ATP13A4: variants seen among roughly 807,000 people sequenced by gnomAD.
ATP13A4 encodes probable cation-transporting ATPase 13A4.
A neutral mutation model predicts 142.5 loss-of-function variants in ATP13A4; 114 were observed. The observed-to-expected ratio is 0.80, with a 90% confidence interval of 0.69 to 0.93. The LOEUF (loss-of-function observed/expected upper bound fraction) is 0.93. Ranked by LOEUF, ATP13A4 falls within the 40% of genes least tolerant of loss-of-function variation. ATP13A4 has a pLI of 0.00. For missense variants in ATP13A4, 1,392 were observed against 1,454.0 expected, an observed-to-expected ratio of 0.96 and a Z score of 0.69; for synonymous variants, 488 against 514.8, an observed-to-expected ratio of 0.95 and a Z score of 0.70.
At chr3:193,408,679 CTCA>C (rs772681385) in intron 28 of ATP13A4, among the ~76,000 whole-genome samples, 16 of 152,218 alleles carry the variant, frequency 1.1e-4, no homozygotes, top group Admixed American at 5.2e-4. Flanking sequence ...ACCACGGATT[CTCA>C]TCAGACTCAT....
chr3:193,421,581 G>C (rs369844312), intron 25 of ATP13A4, among the ~76,000 whole-genome samples: 1 of 149,740 alleles, frequency 6.7e-6, no homozygotes, highest in East Asian at 2.1e-4. Flanking sequence ...AGCCAAAACA[G>C]TCAAATATAA....
intron 25 of ATP13A4, chr3:193,418,927 C>T (rs575911433): frequency 2.3e-4 from 35 of 150,968 alleles, no homozygotes; most frequent in Admixed American, 1.9e-3. Context: ...TCTGCCGCTA[C>T]ATCTTACCTT....
intron 3 of ATP13A4, among the ~76,000 whole-genome samples, chr3:193,498,243 G>A (rs1189578800): frequency 1.3e-5 from 2 of 151,428 alleles, no homozygotes; most frequent in African/African-American, 4.9e-5. Context: ...CTGGTAGCCA[G>A]ATTAAACCAG....
At chr3:193,501,744 T>C (rs1217642016) in intron 3 of ATP13A4, among the ~76,000 whole-genome samples, 2 of 152,260 alleles carry the variant, frequency 1.3e-5, no homozygotes, top group Admixed American at 6.5e-5. Context: ...ACATTCTGTC[T>C]TATAAAATGT....
chr3:193,476,297 CT>C lies in ATP13A4; in HGVS notation c.809-5305del, dbSNP rs377167956. ...TTTTATGTATGGAGATGGCTTCTTT[CT>C]TTAAACCTCATAAGCCAAACTCTGC... On this transcript the variant is annotated intron_variant, in intron 8 of 29. Coordinates refer to ENST00000342695, the MANE Select transcript of ATP13A4 (RefSeq NM_032279.4). Among the ~76,000 whole-genome samples, 114 of 152,154 alleles carry C rather than the reference CT, an allele frequency of 7.5e-4. 2 individuals carry two copies. In the East Asian group the frequency reaches 0.021, roughly 28 times the overall value.
intron 2 of ATP13A4, among the ~76,000 whole-genome samples, chr3:193,509,997 T>G (rs1721057766): frequency 1.3e-5 from 2 of 152,132 alleles, no homozygotes; most frequent in South Asian, 4.1e-4. Context: ...AGTGAATGAA[T>G]GCATGCATGA....
intron 1 of ATP13A4, among the ~76,000 whole-genome samples, chr3:193,543,167 C>CAAAAAAAAAAAAAAAAAAAAAAAAA (rs566660322): frequency 8.7e-6 from 1 of 115,224 alleles, no homozygotes; most frequent in Non-Finnish European, 1.8e-5. Flanking sequence ...GACTCCATCT[C>CAAAAAAAAAAAAAAAAAAAAAAAAA]AAAAAAAAAA....
chr3:193,510,430 A>G (rs1424247096), intron 2 of ATP13A4, among the ~76,000 whole-genome samples: 1 of 152,200 alleles, frequency 6.6e-6, no homozygotes, highest in Non-Finnish European at 1.5e-5. Flanking sequence ...GATGACAATG[A>G]GGGGGAAAAT....
intron 9 of ATP13A4, among the ~76,000 whole-genome samples, chr3:193,468,473 G>C (rs991992488): frequency 6.6e-6 from 1 of 152,184 alleles, no homozygotes. Context: ...AAGTGGCCGG[G>C]TGTAGTGGCT....
chr3:193,534,585 A>G (rs1722495986), intron 1 of ATP13A4, among the ~76,000 whole-genome samples: 1 of 152,210 alleles, frequency 6.6e-6, no homozygotes, highest in African/African-American at 2.4e-5. Context: ...GAAATTTTAA[A>G]ACTCAGTGAA....
intron 1 of ATP13A4, among the ~76,000 whole-genome samples, chr3:193,533,598 G>T (rs961005210): frequency 6.6e-6 from 1 of 151,136 alleles, no homozygotes; most frequent in African/African-American, 2.4e-5. Flanking sequence ...CACAAAGAAA[G>T]CCTACTCTCT....
intron 20 of ATP13A4, among the ~76,000 whole-genome samples, 191 bp downstream of exon 20, chr3:193,441,275 T>G (rs1024218855): frequency 1.4e-4 from 21 of 152,310 alleles, no homozygotes; most frequent in Non-Finnish European, 1.2e-4. Flanking sequence ...ACTAATCAAG[T>G]TTATTTATTT....
intron 8 of ATP13A4, 92 bp downstream of exon 8, chr3:193,483,844 G>T: frequency 9.3e-7 from 1 of 1,078,464 alleles, no homozygotes; most frequent in Non-Finnish European, 1.4e-6. Flanking sequence ...TGAATATGAA[G>T]ATGGGAATAA....
chr3:193,505,404 T>C (rs1405392872), intron 2 of ATP13A4, among the ~76,000 whole-genome samples: 2 of 152,150 alleles, frequency 1.3e-5, no homozygotes, highest in East Asian at 3.9e-4. Context: ...TGCCTTAGTC[T>C]AGGTGTGTAT....
rs1714783144 is a variant in ATP13A4 at position 193,411,891 on chromosome 3, G to A, written c.3208+287C>T. Among the ~76,000 whole-genome samples, 2 of 152,194 alleles carry A rather than the reference G, an allele frequency of 1.3e-5. 1 individual carries two copies. The highest frequency in any genetic ancestry group is 1.3e-4 in the Admixed American group (2 of 15,284). On this transcript the variant is annotated intron_variant, in intron 27 of 29. Transcript: ENST00000342695. ...ATTCTGACAAGTACTGACAAGTAGAGAAATAAATTGGTCTTTTCAATTTGG... is the reference window on the plus strand; with the variant it reads ...ATTCTGACAAGTACTGACAAGTAGAAAAATAAATTGGTCTTTTCAATTTGG...
chr3:193,428,727 T>C (rs1353257903), intron 25 of ATP13A4, among the ~76,000 whole-genome samples: 1 of 135,092 alleles, frequency 7.4e-6, no homozygotes, highest in East Asian at 2.2e-4. Context: ...CACTTATAGG[T>C]GGGAATTGAA....
intron 2 of ATP13A4, chr3:193,579,492 A>AATATATATATAT (rs34635543): frequency 2.3e-4 from 34 of 149,916 alleles, no homozygotes; most frequent in African/African-American, 7.6e-4. Context: ...TATGTATTGT[A>AATATATATATAT]ATATATATAT....
At position 193,554,746 on chromosome 3, in the gene ATP13A4, A is replaced by G; in HGVS notation, c.54T>C (p.Asn18=). 1 of 1,613,450 alleles carries G rather than the reference A, an allele frequency of 6.2e-7. No homozygotes were observed. The highest frequency in any genetic ancestry group is 1.3e-5 in the African/African-American group (1 of 74,850). ...AATGTGGCTAGAATCTTACCATCTC[A>G]TTCTCTTCTCCTTCATTGAGCAGAG... ...QHALLNEGEE[N]EMEIFGYRTQ... Residue 18 remains asparagine (N), a synonymous_variant, in exon 1 of 30, where the codon AAT becomes AAC. Transcript: ENST00000342695.
intron 14 of ATP13A4, among the ~76,000 whole-genome samples, chr3:193,458,063 A>C (rs58335688): frequency 6.6e-6 from 1 of 152,358 alleles, no homozygotes; most frequent in African/African-American, 2.4e-5. Context: ...TCCCTATTTA[A>C]AGATATGGAA....
Sources: gnomAD v4.1 joint callset for allele counts (sites outside exome capture counted in the v4.1 genomes callset) on GRCh38, gnomAD v4.1.1 for gene constraint, MANE v1.5 for transcripts, NCBI Gene and HGNC (gene_info 2026-07-23, HGNC 2026-07-21) for gene names.